The following EEFSEC variants were observed in gnomAD, a reference collection of about 807,000 sequenced individuals.
The protein encoded by EEFSEC is selenocysteine-specific elongation factor.
In EEFSEC, 43 loss-of-function variants were observed where a neutral mutation model predicts 42.1. The ratio of observed to expected loss-of-function variants is 1.02; its 90% CI spans 0.80 to 1.32. The LOEUF is 1.32. EEFSEC is among the 40% of genes most tolerant of loss of function. EEFSEC has a pLI of 0.00. For missense variants in EEFSEC, 745 were observed against 803.6 expected (o/e 0.93, Z 0.88); for synonymous variants, 354 against 339.1 (o/e 1.04, Z -0.48).
At chr3:128,193,402 A>C (rs943495918) in intron 1 of EEFSEC, among the ~76,000 whole-genome samples, 1 of 152,198 alleles carries the variant, frequency 6.6e-6, no homozygotes, top group Admixed American at 6.5e-5. Flanking sequence ...TGTGGCTGTG[A>C]CAGAGCTAAC....
intron 1 of EEFSEC, among the ~76,000 whole-genome samples, chr3:128,231,554 G>A (rs1202258082): frequency 6.6e-6 from 1 of 152,180 alleles, no homozygotes; most frequent in Non-Finnish European, 1.5e-5. Context: ...GAAAGCCCAG[G>A]CATTTTGTGA....
intron 1 of EEFSEC, among the ~76,000 whole-genome samples, chr3:128,185,249 T>G (rs1428344709): frequency 6.6e-6 from 1 of 152,186 alleles, no homozygotes; most frequent in African/African-American, 2.4e-5. Context: ...GTATGATATA[T>G]TTATGTATGT....
chr3:128,326,090 G>T (rs2067060739), intron 4 of EEFSEC, among the ~76,000 whole-genome samples: 1 of 152,220 alleles, frequency 6.6e-6, no homozygotes, highest in Non-Finnish European at 1.5e-5. Context: ...TCTGGAGGGG[G>T]TGTTGAGGGA....
At chr3:128,189,212 T>G (rs1027233289) in intron 1 of EEFSEC, among the ~76,000 whole-genome samples, 1 of 152,230 alleles carries the variant, frequency 6.6e-6, no homozygotes, top group Non-Finnish European at 1.5e-5. Context: ...CTCTGGACAT[T>G]GCTCATCTCC....
intron 6 of EEFSEC, among the ~76,000 whole-genome samples, chr3:128,402,641 T>A (rs1381816875): frequency 6.6e-6 from 1 of 152,226 alleles, no homozygotes; most frequent in Non-Finnish European, 1.5e-5. Flanking sequence ...GACATCTTTG[T>A]GTAGAAATCT....
At chr3:128,388,468 C>T (rs1200491310) in intron 6 of EEFSEC, among the ~76,000 whole-genome samples, 2 of 152,240 alleles carry the variant, frequency 1.3e-5, no homozygotes, top group East Asian at 3.9e-4. Context: ...GGCCAGGGTC[C>T]ACGCTCTGTA....
At chr3:128,425,596 G>C in the EEFSEC span, among the ~76,000 whole-genome samples, 1 of 152,298 alleles carries the variant, frequency 6.6e-6, no homozygotes, top group Admixed American at 6.5e-5. Context: ...CTGCATTCCC[G>C]CCTGACTGGG....
chr3:128,164,953 A>C (rs533450891), intron 1 of EEFSEC, among the ~76,000 whole-genome samples: 2 of 152,352 alleles, frequency 1.3e-5, no homozygotes, highest in South Asian at 4.1e-4. Flanking sequence ...AAGAGGAAGG[A>C]CACCTCAGGC....
In EEFSEC at chr3:128,228,521, G is replaced by A. The variant is rs571808097; in HGVS notation, c.317-18315G>A. Among the ~76,000 whole-genome samples the A allele has an allele frequency of 7.2e-5, 11 of 152,164 alleles. No homozygotes were observed. In the East Asian group the frequency reaches 2.1e-3, roughly 29 times the overall value. ...GGTGTGAGGCTGTCAGGTGGTGCAG[G>A]TAGGGGCCCAACCACACTGGCCTTC... On this transcript the variant is annotated intron_variant, in intron 1 of 6. Coordinates refer to ENST00000254730, the MANE Select transcript of EEFSEC (RefSeq NM_021937.5).
At chr3:128,354,370 TC>T (rs772337796) in intron 5 of EEFSEC, among the ~76,000 whole-genome samples, 22 of 152,174 alleles carry the variant, frequency 1.4e-4, no homozygotes, top group Admixed American at 4.6e-4. Flanking sequence ...CCAGAGGCCC[TC>T]CTCAGAAGGT....
At chr3:128,267,414 A>G (rs2066366120) in intron 4 of EEFSEC, among the ~76,000 whole-genome samples, 1 of 152,160 alleles carries the variant, frequency 6.6e-6, no homozygotes, top group Non-Finnish European at 1.5e-5. Flanking sequence ...CTACTTTTTA[A>G]CACTTTTGGT....
At chr3:128,247,700 G>C (rs1385967827) in intron 2 of EEFSEC, among the ~76,000 whole-genome samples, 1 of 152,182 alleles carries the variant, frequency 6.6e-6, no homozygotes, top group African/African-American at 2.4e-5. Context: ...TTTTATGCAA[G>C]GGGTGGCTAG....
chr3:128,339,048 C>A (rs1276473548), intron 4 of EEFSEC, among the ~76,000 whole-genome samples: 5 of 152,196 alleles, frequency 3.3e-5, no homozygotes, highest in Non-Finnish European at 7.3e-5. Flanking sequence ...CCTCACTGGG[C>A]AGACGACGCT....
chr3:128,312,667 G>A (rs1280999077), intron 4 of EEFSEC, among the ~76,000 whole-genome samples: 3 of 152,250 alleles, frequency 2.0e-5, no homozygotes, highest in Admixed American at 6.5e-5. Context: ...GTCCTGACCT[G>A]CTTGTCAAGG....
chr3:128,227,557 C>A (rs2065920635), intron 1 of EEFSEC, among the ~76,000 whole-genome samples: 1 of 152,292 alleles, frequency 6.6e-6, no homozygotes, highest in Admixed American at 6.5e-5. Flanking sequence ...CTTGGGGACC[C>A]ATTTCTACAA....
chr3:128,367,951 A>C, intron 6 of EEFSEC: 5 of 690,360 alleles, frequency 7.2e-6, no homozygotes, highest in African/African-American at 2.0e-5. Context: ...CCCACCACCC[A>C]CTGGGAGAGC....
At chr3:128,402,338 T>C (rs1193038598) in intron 6 of EEFSEC, among the ~76,000 whole-genome samples, 2 of 152,252 alleles carry the variant, frequency 1.3e-5, no homozygotes, top group Admixed American at 6.5e-5. Context: ...AGGTCTTTCT[T>C]TGTGTAACTT....
chr3:128,302,166 C>T (rs980866333), intron 4 of EEFSEC, among the ~76,000 whole-genome samples: 1 of 152,140 alleles, frequency 6.6e-6, no homozygotes, highest in Admixed American at 6.5e-5. Context: ...CAAAGGCAGT[C>T]GGGGGTATGG....
intron 6 of EEFSEC, among the ~76,000 whole-genome samples, chr3:128,375,640 AG>A (rs1276514284): frequency 6.6e-6 from 1 of 152,180 alleles, no homozygotes; most frequent in Non-Finnish European, 1.5e-5. Context: ...ACCTCTAGGA[AG>A]GCTCCCTGTC....
Sources: allele counts gnomAD v4.1 joint callset (sites outside exome capture counted in the v4.1 genomes callset), GRCh38; gene constraint gnomAD v4.1.1; transcripts MANE v1.5; gene names NCBI Gene and HGNC (gene_info 2026-07-23, HGNC 2026-07-21).